Variants in PRKN observed in about 807,000 individuals in gnomAD.
The protein encoded by PRKN is parkin RBR E3 ubiquitin protein ligase.
In PRKN, 56 loss-of-function variants were observed where a neutral mutation model predicts 59.5. That is an observed-to-expected ratio of 0.94 (90% CI 0.76 to 1.18). PRKN has a LOEUF of 1.18. PRKN is among the 50% of genes most tolerant of loss of function. The probability of loss-of-function intolerance (pLI) is 0.00; values close to 1 mark genes in which losing one functional copy is unlikely to be tolerated. For missense variants in PRKN, 657 were observed against 596.4 expected, an observed-to-expected ratio of 1.10 and a Z score of -1.06; for synonymous variants, 250 against 222.1, an observed-to-expected ratio of 1.13 and a Z score of -1.12.
At chr6:162,657,744 G>A (rs982403038) in intron 1 of PRKN, among the ~76,000 whole-genome samples, 4 of 152,166 alleles carry the variant, frequency 2.6e-5, no homozygotes, top group African/African-American at 7.2e-5. Context: ...AGTCAGATGT[G>A]AACACCCCTG....
chr6:162,439,007 C>T (rs1392507905), intron 2 of PRKN, among the ~76,000 whole-genome samples: 2 of 152,066 alleles, frequency 1.3e-5, no homozygotes, highest in South Asian at 2.1e-4. Flanking sequence ...CCATTTGGAC[C>T]GTGTCATTTC....
chr6:161,814,857 G>A (rs1791707102), intron 6 of PRKN, among the ~76,000 whole-genome samples: 1 of 152,132 alleles, frequency 6.6e-6, no homozygotes, highest in Non-Finnish European at 1.5e-5. Flanking sequence ...ATTATCAGGA[G>A]AGCAGCATGG....
intron 3 of PRKN, among the ~76,000 whole-genome samples, chr6:162,235,902 A>G (rs989988050): frequency 4.1e-5 from 3 of 73,266 alleles, no homozygotes; most frequent in Non-Finnish European, 7.9e-5. Flanking sequence ...AGAAAGAAGG[A>G]AAGGAAGGAA....
At position 161,357,837 on chromosome 6, in the gene PRKN, G is replaced by A. The variant is rs1408782095; in HGVS notation, c.1285+2251C>T. Among the ~76,000 whole-genome samples the A allele has an allele frequency of 6.6e-6, 1 of 152,188 alleles. No homozygotes were observed. The highest frequency in any genetic ancestry group is 2.4e-5 in the African/African-American group (1 of 41,444). ...CCACACGAATCAGAGCACGTCTCAC[G>A]GAGCGTGTTTGATGCACCGTCTCTG... On this transcript the variant is annotated intron_variant, in intron 11 of 11. Coordinates refer to ENST00000366898, the MANE Select transcript of PRKN (RefSeq NM_004562.3). The surrounding 1 kb of genome is among the most constrained non-coding windows in gnomAD (Gnocchi z 5.5).
chr6:162,403,111 C>G (rs1332837043), intron 2 of PRKN, among the ~76,000 whole-genome samples: 3 of 152,192 alleles, frequency 2.0e-5, no homozygotes, highest in Non-Finnish European at 2.9e-5. Flanking sequence ...CTCAACATAA[C>G]TGGCCAACTT....
At position 161,360,219 on chromosome 6, in the gene PRKN, G is replaced by C; in HGVS notation, c.1168-14C>G. The C allele has an allele frequency of 6.3e-7, 1 of 1,580,382 alleles. No homozygotes were observed. The highest frequency in any genetic ancestry group is 2.2e-5 in the East Asian group (1 of 44,730). On this transcript the variant is annotated splice_polypyrimidine_tract_variant and intron_variant, in intron 10 of 11. Coordinates refer to ENST00000366898, the MANE Select transcript of PRKN (RefSeq NM_004562.3). The surrounding 1 kb of genome is among the most constrained non-coding windows in gnomAD (Gnocchi z 5.1). The stretch of plus-strand genomic sequence containing the variant: ...GACTCTGTAGGCCTGGGGAAACAAA[G>C]AGGAAAGGCGTTTAATCTCAGCTTT...
At chr6:162,230,331 T>C (rs1256968423) in intron 3 of PRKN, among the ~76,000 whole-genome samples, 2 of 152,216 alleles carry the variant, frequency 1.3e-5, no homozygotes, top group Non-Finnish European at 2.9e-5. Context: ...TGTAGCTGGC[T>C]GCATTTGCTG....
intron 1 of PRKN, among the ~76,000 whole-genome samples, chr6:162,589,003 C>T (rs1781191243): frequency 6.6e-6 from 1 of 152,136 alleles, no homozygotes; most frequent in Non-Finnish European, 1.5e-5. Context: ...CATCCTCTCA[C>T]TCTCTTCCAC....
rs950176713 is a variant in PRKN at position 161,484,653 on chromosome 6, T to C, written c.1083+64201A>G. ...TCAGGGTGTTCAATCTCAGCACTAC[T>C]GAAGTTTGAGACCAGGCCATTCTCA... On this transcript the variant is annotated intron_variant, in intron 9 of 11. Coordinates refer to ENST00000366898, the MANE Select transcript of PRKN (RefSeq NM_004562.3). This position sits in a 1 kb window ranked among gnomAD's most constrained non-coding sequence, Gnocchi z 4.9. 4.6e-5 allele frequency among the ~76,000 whole-genome samples: 7 copies of C among 152,124 alleles called. No homozygotes were observed. Among genetic ancestry groups the C allele is most frequent in the Non-Finnish European group, 5.9e-5 (4 of 68,016 alleles).
At chr6:162,312,001 CA>C (rs2128118331) in intron 2 of PRKN, among the ~76,000 whole-genome samples, 1 of 152,160 alleles carries the variant, frequency 6.6e-6, no homozygotes, top group East Asian at 2.0e-4. Flanking sequence ...TACACGTACA[CA>C]CTTATACACC....
At chr6:162,287,581 A>ATT (rs556904978) in intron 2 of PRKN, among the ~76,000 whole-genome samples, 1,588 of 152,164 alleles carry the variant, frequency 0.01, 30 homozygotes, top group African/African-American at 0.036. Flanking sequence ...CAAAAAAATC[A>ATT]CTGGACATAA....
intron 9 of PRKN, among the ~76,000 whole-genome samples, chr6:161,403,767 G>T (rs149132265): frequency 6.6e-6 from 1 of 152,274 alleles, no homozygotes; most frequent in East Asian, 1.9e-4. Flanking sequence ...TCTTTCAGAG[G>T]TTATTAGGTC....
chr6:161,416,308 T>G (rs1295585864), intron 9 of PRKN, among the ~76,000 whole-genome samples: 1 of 152,112 alleles, frequency 6.6e-6, no homozygotes, highest in Non-Finnish European at 1.5e-5. Flanking sequence ...GAGAGCTTGA[T>G]GACGGATTGG....
chr6:162,056,509 A>G lies in PRKN; in HGVS notation c.535-2335T>C, dbSNP rs538974834. ...TACCCCAGACTTCAAAAGGAGCTGC[A>G]TCTGGGATCCACCGATCATTAATCC... On this transcript the variant is annotated intron_variant, in intron 4 of 11. Coordinates refer to ENST00000366898, the MANE Select transcript of PRKN (RefSeq NM_004562.3). This position sits in a 1 kb window ranked among gnomAD's most constrained non-coding sequence, Gnocchi z 4.9. 6.6e-6 allele frequency among the ~76,000 whole-genome samples: 1 copy of G among 152,320 alleles called. No individual in the cohort carries two copies. The highest frequency in any genetic ancestry group is 2.1e-4 in the South Asian group (1 of 4,824).
chr6:162,112,134 G>A (rs1252246411), intron 4 of PRKN, among the ~76,000 whole-genome samples: 1 of 152,158 alleles, frequency 6.6e-6, no homozygotes, highest in Non-Finnish European at 1.5e-5. Context: ...TTCCACACTG[G>A]AACAGTTGAA....
chr6:162,238,346 A>G (rs889189219), intron 3 of PRKN, among the ~76,000 whole-genome samples: 1 of 152,190 alleles, frequency 6.6e-6, no homozygotes, highest in African/African-American at 2.4e-5. Context: ...AGGCTATACC[A>G]TCTAGATTTG....
chr6:161,384,663 C>T (rs1167724715), intron 10 of PRKN, among the ~76,000 whole-genome samples: 1 of 152,222 alleles, frequency 6.6e-6, no homozygotes, highest in Non-Finnish European at 1.5e-5. Flanking sequence ...ACAGAGGACA[C>T]AGTCTGGTTG....
chr6:161,796,848 A>G (rs1790871235), intron 6 of PRKN, among the ~76,000 whole-genome samples: 1 of 152,202 alleles, frequency 6.6e-6, no homozygotes, highest in African/African-American at 2.4e-5. Context: ...TGTAATACAT[A>G]CTAACTCATG....
At chr6:162,209,261 C>T (rs1213762936) in intron 3 of PRKN, among the ~76,000 whole-genome samples, 2 of 152,060 alleles carry the variant, frequency 1.3e-5, no homozygotes, top group African/African-American at 4.8e-5. Context: ...AAAAAACAAG[C>T]AACCCCATCA....
Sources: allele counts gnomAD v4.1 joint callset (sites outside exome capture counted in the v4.1 genomes callset), GRCh38; gene constraint gnomAD v4.1.1; non-coding constraint Gnocchi (gnomAD v3.1); transcripts MANE v1.5; gene names NCBI Gene and HGNC (gene_info 2026-07-23, HGNC 2026-07-21).